The following UBR4 variants were observed in gnomAD, a reference collection of about 807,000 sequenced individuals.
UBR4 encodes ubiquitin protein ligase E3 component n-recognin 4, also known as E3 ubiquitin-protein ligase UBR4.
UBR4 carries 124 observed loss-of-function variants against 575.6 expected under a neutral mutation model. The ratio of observed to expected loss-of-function variants is 0.22; its 90% CI spans 0.19 to 0.25. The LOEUF (loss-of-function observed/expected upper bound fraction) is 0.25, where lower values mean the gene tolerates loss of function less well. UBR4 is among the 10% of genes least tolerant of loss of function. UBR4 has a pLI of 1.00. For synonymous variants in UBR4, 2,455 were observed against 2,473.7 expected (o/e 0.99, Z 0.22); for missense variants, 4,818 against 6,478.8 (o/e 0.74, Z 8.80).
rs770595881 is a variant in UBR4, at chr1:19,093,989, T to C, written c.13897A>G (p.Ile4633Val). 2.5e-6 allele frequency: 4 copies of C among 1,614,006 alleles called. No individual in the cohort carries two copies. The Admixed American group carries it at 6.7e-5, about 27-fold the overall frequency. ...TATGGTTTGAATCGCTCCACCAAGA[T>C]CTGCATTTTCTCCACCTCTCCAAAG... ...LSFGEVEKMQ[I>V]LVERFKPYCN... The change falls in exon 95 of 106, where the codon ATC becomes GTC. Residue 4633 changes from isoleucine to valine, a missense_variant. This residue lies in a region of UBR4 where 165 missense variants were observed against 282.3 expected (regional missense o/e 0.58). Transcript: ENST00000375254. The surrounding 1 kb of genome is among the most constrained non-coding windows in gnomAD (Gnocchi z 4.8).
rs75750415 is a variant in UBR4, at chr1:19,094,316, C to T, written c.13747-177G>A. On this transcript the variant is annotated intron_variant, in intron 94 of 105. Coordinates refer to ENST00000375254, the MANE Select transcript of UBR4 (RefSeq NM_020765.3). ...CAGTCGGAGTTTCACTTGAGAAATT[C>T]GTTTCTAAATTTCTGTGACAGTGCT... Among the ~76,000 whole-genome samples, 345 of 152,238 alleles carry T rather than the reference C, an allele frequency of 2.3e-3. 1 individual carries two copies. Among genetic ancestry groups the T allele is most frequent in the African/African-American group, 7.8e-3 (325 of 41,548 alleles).
At chr1:19,149,096 G>A (rs1046869762) in intron 49 of UBR4, among the ~76,000 whole-genome samples, 2 of 152,178 alleles carry the variant, frequency 1.3e-5, no homozygotes, top group African/African-American at 4.8e-5. Context: ...CCAAGTATGG[G>A]GGAGAGAACA....
chr1:19,128,229 C>G lies in UBR4; in HGVS notation c.9093G>C (p.Glu3031Asp). The G allele has an allele frequency of 6.2e-7, 1 of 1,614,092 alleles. No homozygotes were observed. The highest frequency in any genetic ancestry group is 1.1e-5 in the South Asian group (1 of 91,082). ...LDNLLSQLIA[E>D]LGMDKKDVSK... ...ATTTTACCTTTTTATCCATACCCAA[C>G]TCAGCAATAAGCTGGGAGAGCAGGT... The change falls in exon 62 of 106, where the codon GAG becomes GAC. Residue 3031 changes from glutamate (E) to aspartate (D), a missense_variant. Physicochemically the swap from Glu to Asp is conservative, Grantham distance 45. Coordinates refer to ENST00000375254, the MANE Select transcript of UBR4 (RefSeq NM_020765.3).
Position 19,131,202 on chromosome 1 carries a change from C to T in UBR4, c.8907-2128G>A, listed in dbSNP as rs546032610. ...GGGATTACAGGTTTAAGTCATCATA[C>T]CCAACCTATTTTCAAACTCTTACAC... On this transcript the variant is annotated intron_variant, in intron 60 of 105. Transcript: ENST00000375254. Among the ~76,000 whole-genome samples, 16 of 139,876 alleles carry T rather than the reference C, an allele frequency of 1.1e-4. No individual in the cohort carries two copies. The South Asian group carries it at 3.6e-3, about 32-fold the overall frequency. 91.8% of individuals were successfully genotyped at this position (139,876 alleles called of 152,430 possible).
At chr1:19,105,448 G>C (rs564146882) in intron 84 of UBR4, among the ~76,000 whole-genome samples, 160 of 152,310 alleles carry the variant, frequency 1.1e-3, no homozygotes, top group African/African-American at 3.6e-3. Flanking sequence ...ATTGCTATGA[G>C]AGAATTAAAT....
chr1:19,150,862 A>G (rs2085584086), intron 48 of UBR4, 69 bp from the exon 49 acceptor site: 3 of 1,496,102 alleles, frequency 2.0e-6, no homozygotes, highest in Non-Finnish European at 2.8e-6. Flanking sequence ...AGCAAAGACC[A>G]GAACAGTTGG....
At chr1:19,189,941 G>C (rs1240475615) in intron 11 of UBR4, among the ~76,000 whole-genome samples, 1 of 152,034 alleles carries the variant, frequency 6.6e-6, no homozygotes, top group Non-Finnish European at 1.5e-5. Context: ...GGGGAAGCCT[G>C]CTCTGATGTC....
At chr1:19,128,177 C>A in intron 62 of UBR4, 34 bp downstream of exon 62, 1 of 1,584,736 alleles carries the variant, frequency 6.3e-7, no homozygotes, top group South Asian at 1.1e-5. Flanking sequence ...TCAGCCAATC[C>A]TGTTTCTCAC....
rs1259552931 is a variant in UBR4 at position 19,177,655 on chromosome 1, G to A, written c.2443C>T (p.Leu815Phe). 2 of 1,613,898 alleles carry A rather than the reference G, an allele frequency of 1.2e-6. No individual in the cohort carries two copies. Among genetic ancestry groups the A allele is most frequent in the African/African-American group, 1.3e-5 (1 of 74,944 alleles). Residue 815 changes from leucine (L) to phenylalanine (F), a missense_variant, in exon 19 of 106, where the codon CTC becomes TTC. By Grantham distance (22) the Leu-to-Phe change is conservative (BLOSUM62 0). Around this residue, in one of 29 missense-constraint regions of UBR4, gnomAD observed 1,172 missense variants for 1,259.7 expected, o/e 0.93. Transcript: ENST00000375254. The stretch of plus-strand genomic sequence containing the variant: ...TCGGTGAAATTGTGGAAAATGAGGA[G>A]GAGCATCTGCAGGTGTTCTACATTC... ...DLNVEHLQML[L>F]LIFHNFTETG... is the part of the protein sequence containing the mutation.
chr1:19,138,258 A>T, intron 59 of UBR4, 77 bp from the exon 60 acceptor site: 1 of 1,394,318 alleles, frequency 7.2e-7, no homozygotes, highest in Non-Finnish European at 9.4e-7. Context: ...AAGCAGCAGC[A>T]ATAGTTAAGA....
intron 60 of UBR4, among the ~76,000 whole-genome samples, chr1:19,131,500 C>A (rs181101068): frequency 6.6e-6 from 1 of 152,004 alleles, no homozygotes; most frequent in East Asian, 1.9e-4. Context: ...CTAAATTCAC[C>A]CTACTCCTAA....
At chr1:19,101,770 C>A in intron 87 of UBR4, 129 bp from the exon 88 acceptor site, 1 of 1,392,364 alleles carries the variant, frequency 7.2e-7, no homozygotes. Flanking sequence ...CCCTACATGG[C>A]AATATCAATA....
chr1:19,153,781 G>A lies in UBR4; in HGVS notation c.6617C>T (p.Pro2206Leu), dbSNP rs1279844140. ...TFLIQEIKTL[P>L]AKAKIQDMVA... Reference sequence around the variant, plus strand: ...TCTGGCACTGACCTTCGCTTTAGCAGGAAGAGTCTTAATCTCCTGGATAAG... The same window carrying A: ...TCTGGCACTGACCTTCGCTTTAGCAAGAAGAGTCTTAATCTCCTGGATAAG... Residue 2206 changes from proline to leucine, a missense_variant, in exon 45 of 106, where the codon CCT becomes CTT. Around this residue, in one of 29 missense-constraint regions of UBR4, gnomAD observed 461 missense variants for 606.9 expected, o/e 0.76. Coordinates refer to ENST00000375254, the MANE Select transcript of UBR4 (RefSeq NM_020765.3). This position sits in a 1 kb window ranked among gnomAD's most constrained non-coding sequence, Gnocchi z 4.1. 5 of 1,613,974 alleles carry A rather than the reference G, an allele frequency of 3.1e-6. No individual in the cohort carries two copies. Among genetic ancestry groups the A allele is most frequent in the Non-Finnish European group, 4.2e-6 (5 of 1,179,924 alleles).
chr1:19,176,772 C>T, intron 19 of UBR4, 45 bp from the exon 20 acceptor site: 5 of 1,600,194 alleles, frequency 3.1e-6, no homozygotes, highest in Non-Finnish European at 4.3e-6. Context: ...ACACAGTCAC[C>T]ATTCAGCTTT....
intron 49 of UBR4, among the ~76,000 whole-genome samples, chr1:19,148,924 G>A (rs1450784293): frequency 2.6e-5 from 4 of 152,224 alleles, no homozygotes; most frequent in Non-Finnish European, 4.4e-5. Context: ...GCCTGTGGCA[G>A]GGATCACTGA....
At chr1:19,099,508 G>A in intron 90 of UBR4, 89 bp downstream of exon 90, 1 of 1,192,526 alleles carries the variant, frequency 8.4e-7, no homozygotes, top group Non-Finnish European at 1.2e-6. Context: ...AGCCAGGTAA[G>A]TGATGATGAA....
At chr1:19,159,001 G>A (rs1461806546) in intron 39 of UBR4, among the ~76,000 whole-genome samples, 1 of 151,946 alleles carries the variant, frequency 6.6e-6, no homozygotes, top group East Asian at 1.9e-4. Context: ...AATTAGCCAG[G>A]CATGATGGTG....
chr1:19,110,682 A>C lies in UBR4; in HGVS notation c.11892+60T>G. ...GCAGGACCTGGGAGGGGAAGCTGAG[A>C]AACACAAGGCATGTGAGGGGAAGTC... On this transcript the variant is annotated intron_variant, in intron 79 of 105. Coordinates refer to ENST00000375254, the MANE Select transcript of UBR4 (RefSeq NM_020765.3). The surrounding 1 kb of genome is among the most constrained non-coding windows in gnomAD (Gnocchi z 4.5). 3 of 1,571,634 alleles carry C rather than the reference A, an allele frequency of 1.9e-6. No individual in the cohort carries two copies. The Admixed American group carries it at 5.0e-5, about 26-fold the overall frequency.
At chr1:19,090,456 C>T (rs1355832815) in intron 97 of UBR4, among the ~76,000 whole-genome samples, 5 of 152,128 alleles carry the variant, frequency 3.3e-5, no homozygotes, top group African/African-American at 1.2e-4. Context: ...TGCCATGCCT[C>T]GCCTCCGACT....
Sources: gnomAD v4.1 joint callset for allele counts (sites outside exome capture counted in the v4.1 genomes callset) on GRCh38, gnomAD v4.1.1 for gene constraint, gnomAD v4.1.1 regional missense constraint, Gnocchi (gnomAD v3.1) non-coding constraint, MANE v1.5 for transcripts, NCBI Gene and HGNC (gene_info 2026-07-23, HGNC 2026-07-21) for gene names.